DNMT3A: variants seen among roughly 807,000 people sequenced by gnomAD.
DNMT3A encodes DNA methyltransferase 3 alpha.
In DNMT3A, 267 loss-of-function variants were observed where a neutral mutation model predicts 117.6. The observed-to-expected ratio is 2.27, with a 90% confidence interval of 2.05 to 2.51. The LOEUF is 2.51. DNMT3A is among the 30% of genes most tolerant of loss of function. DNMT3A has a pLI of 0.00. For synonymous variants in DNMT3A, 432 were observed against 474.8 expected, an observed-to-expected ratio of 0.91 and a Z score of 1.17; for missense variants, 1,029 against 1,260.2, an observed-to-expected ratio of 0.82 and a Z score of 2.78.
chr2:25,233,122 T>C lies in DNMT3A; in HGVS notation c.*1157A>G. ...CCTGAAGACTCCGTACCCTCTGCCA[T>C]CTTGCCGAGGGAGTCTCCTTTTAGA... On this transcript the variant is annotated 3_prime_UTR_variant, in exon 23 of 23. Coordinates refer to ENST00000321117, the MANE Select transcript of DNMT3A (RefSeq NM_022552.5). 1 of 233,866 alleles carries C rather than the reference T, an allele frequency of 4.3e-6. No homozygotes were observed. The highest frequency in any genetic ancestry group is 8.5e-6 in the Non-Finnish European group (1 of 118,060). 14.5% of individuals were successfully genotyped at this position (233,866 alleles called of 1,614,324 possible). A position where few individuals can be genotyped will look rare whatever the true frequency, so the allele number is the denominator to read the frequency against.
chr2:25,341,929 C>CTCCA, upstream of DNMT3A: 1 of 977,302 alleles, frequency 1.0e-6, no homozygotes, highest in South Asian at 4.6e-5. Flanking sequence ...CCCGCGCGCC[C>CTCCA]TCCCTCCCTC....
intron 6 of DNMT3A, among the ~76,000 whole-genome samples, chr2:25,262,438 T>A (rs943178986): frequency 4.5e-4 from 68 of 152,190 alleles, no homozygotes; most frequent in African/African-American, 1.6e-3. Flanking sequence ...AAAAGTTCAC[T>A]GTATCATCCT....
chr2:25,235,902 G>T, intron 21 of DNMT3A, 77 bp from the exon 22 acceptor site: 1 of 1,350,336 alleles, frequency 7.4e-7, no homozygotes, highest in Non-Finnish European at 1.1e-6. Flanking sequence ...TACCAAATAT[G>T]CCAGGTACTC....
rs1672889764 is a variant in DNMT3A at position 25,231,634 on chromosome 2, T to C, written c.*2645A>G. Reference sequence around the variant, plus strand: ...TGGCCAAGACAGACCTGGATGTCAATTTGATTTCAGTTGGGGAGAATAGGT... The same window carrying C: ...TGGCCAAGACAGACCTGGATGTCAACTTGATTTCAGTTGGGGAGAATAGGT... On this transcript the variant is annotated 3_prime_UTR_variant, in exon 23 of 23. Transcript: ENST00000321117. 6.6e-6 allele frequency: 1 copy of C among 151,230 alleles called. No homozygotes were observed. Among genetic ancestry groups the C allele is most frequent in the South Asian group, 2.1e-4 (1 of 4,782 alleles). 9.4% of individuals were successfully genotyped at this position (151,230 alleles called of 1,614,324 possible). A position where few individuals can be genotyped will look rare whatever the true frequency, so the allele number is the denominator to read the frequency against.
chr2:25,249,506 A>C (rs771509245), intron 6 of DNMT3A: 2 of 872,766 alleles, frequency 2.3e-6, no homozygotes, highest in Non-Finnish European at 3.7e-6. Context: ...GACCCCTTCT[A>C]TGTGCACCCT....
intron 19 of DNMT3A, among the ~76,000 whole-genome samples, chr2:25,239,855 G>A (rs1368547969): frequency 6.6e-6 from 1 of 152,212 alleles, no homozygotes. Flanking sequence ...GTTAAACGGG[G>A]ACTCACATGA....
intron 4 of DNMT3A, among the ~76,000 whole-genome samples, chr2:25,280,637 A>G (rs1465718058): frequency 6.6e-6 from 1 of 152,046 alleles, no homozygotes; most frequent in East Asian, 1.9e-4. Context: ...TCATCTTTTT[A>G]AGGGTGGATT....
intron 6 of DNMT3A, among the ~76,000 whole-genome samples, chr2:25,259,850 A>C (rs996944020): frequency 4.6e-5 from 7 of 152,204 alleles, no homozygotes; most frequent in African/African-American, 1.7e-4. Flanking sequence ...CCCAGCAGAC[A>C]GGCACTGCGG....
intron 1 of DNMT3A, among the ~76,000 whole-genome samples, chr2:25,317,820 C>G (rs2034441911): frequency 6.6e-6 from 1 of 152,228 alleles, no homozygotes; most frequent in African/African-American, 2.4e-5. Context: ...ACCGCAACCT[C>G]CGCCTCGCGG....
chr2:25,308,376 C>G (rs1375646056), intron 2 of DNMT3A, among the ~76,000 whole-genome samples: 1 of 152,130 alleles, frequency 6.6e-6, no homozygotes, highest in Non-Finnish European at 1.5e-5. Context: ...AACACAGGCC[C>G]TTCTGCAGGG....
rs1674897352 is a variant in DNMT3A at position 25,247,084 on chromosome 2, G to A, written c.1089C>T (p.Pro363=). ...CCTCGTAGATGGCTTTGCGGTACAT[G>A]GGCTGCTTGTTGTACGTGGCCTGGT... The part of the protein sequence containing the change: ...AFHQATYNKQ[P]MYRKAIYEVL... Residue 363 remains proline (P), a synonymous_variant, in exon 9 of 23, where the codon CCC becomes CCT. Transcript: ENST00000321117. This position sits in a 1 kb window ranked among gnomAD's most constrained non-coding sequence, Gnocchi z 5.6. 2.0e-5 allele frequency: 32 copies of A among 1,614,034 alleles called. No homozygotes were observed. The highest frequency in any genetic ancestry group is 2.7e-5 in the Non-Finnish European group (32 of 1,180,020).
chr2:25,278,541 C>T (rs1256869922), intron 4 of DNMT3A, among the ~76,000 whole-genome samples: 1 of 152,182 alleles, frequency 6.6e-6, no homozygotes, highest in African/African-American at 2.4e-5. Flanking sequence ...TAAGAGTCTT[C>T]CAGGCTGAGT....
intron 6 of DNMT3A, among the ~76,000 whole-genome samples, chr2:25,259,362 G>C (rs1676421448): frequency 6.6e-6 from 1 of 152,188 alleles, no homozygotes; most frequent in Admixed American, 6.5e-5. Flanking sequence ...CCCCTTACCA[G>C]GAAATTCAAC....
chr2:25,321,274 T>G (rs2034587508), intron 1 of DNMT3A, among the ~76,000 whole-genome samples: 1 of 152,196 alleles, frequency 6.6e-6, no homozygotes, highest in Non-Finnish European at 1.5e-5. Flanking sequence ...CTTGACATTT[T>G]CAACATCTAG....
rs761377269 is a variant in DNMT3A at position 25,304,634 on chromosome 2, G to A, written c.73-4391C>T. On this transcript the variant is annotated intron_variant, in intron 2 of 22. Coordinates refer to ENST00000321117, the MANE Select transcript of DNMT3A (RefSeq NM_022552.5). This position sits in a 1 kb window ranked among gnomAD's most constrained non-coding sequence, Gnocchi z 4.3. ...TCTGCAGAGCTTAAACCTTTGCCAC[G>A]GGGGTTCCCGGGGGCCAGGAGGATC... 1.8e-4 allele frequency among the ~76,000 whole-genome samples: 28 copies of A among 152,200 alleles called. No individual in the cohort carries two copies. Among genetic ancestry groups the A allele is most frequent in the Admixed American group, 1.5e-3 (23 of 15,276 alleles).
At chr2:25,269,561 G>A (rs564400501) in intron 6 of DNMT3A, among the ~76,000 whole-genome samples, 4 of 152,198 alleles carry the variant, frequency 2.6e-5, no homozygotes, top group Non-Finnish European at 5.9e-5. Flanking sequence ...TGAAAGTGGG[G>A]TGGGCTGATT....
chr2:25,244,524 G>T lies in DNMT3A; in HGVS notation c.1667+16C>A, dbSNP rs1160920997. ...GGCCCAGCTAAGGAGACCACTGGAG[G>T]CCACAACAGCCTCACCTGCAGCAGT... On this transcript the variant is annotated intron_variant, in intron 14 of 22. Coordinates refer to ENST00000321117, the MANE Select transcript of DNMT3A (RefSeq NM_022552.5). The T allele has an allele frequency of 3.1e-6, 5 of 1,613,266 alleles. No homozygotes were observed. The African/African-American group carries it at 5.3e-5, about 17-fold the overall frequency.
intron 1 of DNMT3A, among the ~76,000 whole-genome samples, chr2:25,336,542 T>C (rs570453464): frequency 6.6e-6 from 1 of 152,238 alleles, no homozygotes. Context: ...GCTCTCCAAG[T>C]CTGAGCTCTT....
In DNMT3A at chr2:25,240,723, T is replaced by TC; in HGVS notation, c.2089dup (p.Glu697GlyfsTer16). On this transcript the variant is annotated frameshift_variant, in exon 18 of 23. Transcript: ENST00000321117. LOFTEE classifies it high-confidence loss of function. ...AATCACCAGATCGAATGGGCCCCAC[T>TC]CCTGGATCTGGGAGGATAAAGGCAA... 1 of 1,614,124 alleles carries TC rather than the reference T, an allele frequency of 6.2e-7. No individual in the cohort carries two copies.
Sources: gnomAD v4.1 joint callset for allele counts (sites outside exome capture counted in the v4.1 genomes callset) on GRCh38, gnomAD v4.1.1 for gene constraint, Gnocchi (gnomAD v3.1) non-coding constraint, MANE v1.5 for transcripts, NCBI Gene and HGNC (gene_info 2026-07-23, HGNC 2026-07-21) for gene names.